CDC42SE2: variants seen among roughly 807,000 people sequenced by gnomAD.
CDC42SE2 encodes CDC42 small effector 2.
Under a neutral mutation model 11.5 loss-of-function variants are expected in CDC42SE2, and 3 were observed. The observed-to-expected ratio is 0.26, with a 90% CI of 0.12 to 0.67. The LOEUF (loss-of-function observed/expected upper bound fraction) is 0.67, where lower values mean the gene tolerates loss of function less well. Ranked by LOEUF, CDC42SE2 falls within the 30% of genes least tolerant of loss-of-function variation. The probability of loss-of-function intolerance (pLI) is 0.80; values close to 1 mark genes in which losing one functional copy is unlikely to be tolerated. For missense variants in CDC42SE2, 82 were observed against 106.8 expected (o/e 0.77, Z 1.02); for synonymous variants, 33 against 34.8 (o/e 0.95, Z 0.18).
intron 4 of CDC42SE2, among the ~76,000 whole-genome samples, chr5:131,386,771 T>C (rs547685705): frequency 7.2e-5 from 11 of 152,340 alleles, no homozygotes; most frequent in African/African-American, 2.6e-4. Flanking sequence ...TAAACAAGTA[T>C]AAATGATCCC....
the CDC42SE2 span, among the ~76,000 whole-genome samples, chr5:131,229,074 T>A: frequency 1.3e-5 from 2 of 152,200 alleles, no homozygotes; most frequent in African/African-American, 4.8e-5. Flanking sequence ...AATGCTACTG[T>A]GTGGAGCAAA....
intron 3 of CDC42SE2, among the ~76,000 whole-genome samples, chr5:131,371,091 A>G (rs1278160973): frequency 6.6e-6 from 1 of 152,244 alleles, no homozygotes; most frequent in Non-Finnish European, 1.5e-5. Context: ...TTAAGTAATT[A>G]TCTGGGATTT....
chr5:131,235,383 G>C, the CDC42SE2 span, among the ~76,000 whole-genome samples: 1 of 147,744 alleles, frequency 6.8e-6, no homozygotes, highest in Non-Finnish European at 1.5e-5. Context: ...TCTGCCTCCT[G>C]GGTTCAAGTG....
chr5:131,377,342 G>A (rs1285262997), intron 3 of CDC42SE2, among the ~76,000 whole-genome samples: 1 of 151,532 alleles, frequency 6.6e-6, no homozygotes, highest in South Asian at 2.1e-4. Flanking sequence ...CTAATTTTTT[G>A]TATTTTTGTA....
chr5:131,212,082 CAT>C, the CDC42SE2 span, among the ~76,000 whole-genome samples: 46 of 152,034 alleles, frequency 3.0e-4, no homozygotes, highest in African/African-American at 1.0e-3. Flanking sequence ...TAAATCACCA[CAT>C]GTGTGGCAGG....
At chr5:131,377,502 C>A (rs1750192419) in intron 3 of CDC42SE2, among the ~76,000 whole-genome samples, 1 of 152,120 alleles carries the variant, frequency 6.6e-6, no homozygotes, top group Non-Finnish European at 1.5e-5. Flanking sequence ...AGCTGTTAAT[C>A]TTTAGAGCCA....
At chr5:131,323,851 A>G (rs1327600870) in intron 2 of CDC42SE2, among the ~76,000 whole-genome samples, 1 of 152,180 alleles carries the variant, frequency 6.6e-6, no homozygotes, top group Non-Finnish European at 1.5e-5. Flanking sequence ...TTTTCTCACA[A>G]GATGAATTTA....
At chr5:131,229,558 T>G in the CDC42SE2 span, among the ~76,000 whole-genome samples, 1 of 152,270 alleles carries the variant, frequency 6.6e-6, no homozygotes, top group South Asian at 2.1e-4. Flanking sequence ...CCTGGCTAAT[T>G]TACTCAGTAA....
At chr5:131,254,499 G>A (rs1408206801) in intron 1 of CDC42SE2, among the ~76,000 whole-genome samples, 2 of 150,806 alleles carry the variant, frequency 1.3e-5, no homozygotes, top group Non-Finnish European at 2.9e-5. Flanking sequence ...CTGAGATGGC[G>A]CCACTGCACT....
At chr5:131,240,963 T>C (rs1177617012), upstream of CDC42SE2, among the ~76,000 whole-genome samples, 1 of 151,748 alleles carries the variant, frequency 6.6e-6, no homozygotes, top group Non-Finnish European at 1.5e-5. Context: ...TGTTTTTGTT[T>C]TTGTTTTTGT....
At position 131,317,689 on chromosome 5, in the gene CDC42SE2, A is replaced by G. The variant is rs1335768991; in HGVS notation, c.-286+1545A>G. Among the ~76,000 whole-genome samples, 7 of 150,006 alleles carry G rather than the reference A, an allele frequency of 4.7e-5. No homozygotes were observed. The East Asian group carries it at 1.2e-3, about 25-fold the overall frequency. ...TCTATCTTTTCTTTTAAATCTTGTT[A>G]TTATAATCTTGAAAAAGTATGGAAT... On this transcript the variant is annotated intron_variant, in intron 2 of 4. Coordinates refer to ENST00000505065, the MANE Select transcript of CDC42SE2 (RefSeq NM_001375635.1).
chr5:131,375,154 T>G (rs1396866955), intron 3 of CDC42SE2, among the ~76,000 whole-genome samples: 1 of 152,032 alleles, frequency 6.6e-6, no homozygotes, highest in Non-Finnish European at 1.5e-5. Flanking sequence ...GGTTTCTCAC[T>G]GAGAGATGAG....
At chr5:131,303,618 G>C (rs536773137) in intron 1 of CDC42SE2, among the ~76,000 whole-genome samples, 4 of 152,202 alleles carry the variant, frequency 2.6e-5, no homozygotes, top group Admixed American at 6.5e-5. Context: ...TCTATCAGTA[G>C]GACTTTTGAA....
intron 3 of CDC42SE2, among the ~76,000 whole-genome samples, chr5:131,381,514 G>C (rs868725385): frequency 1.3e-5 from 2 of 152,040 alleles, no homozygotes; most frequent in Non-Finnish European, 2.9e-5. Context: ...GTAGAGACGG[G>C]GTTTCACTGT....
At chr5:131,387,403 TAGCTG>T (rs1484957193) in intron 4 of CDC42SE2, among the ~76,000 whole-genome samples, 1 of 151,964 alleles carries the variant, frequency 6.6e-6, no homozygotes, top group African/African-American at 2.4e-5. Flanking sequence ...ACAAAAAAAT[TAGCTG>T]AGTGAAGTAA....
chr5:131,268,456 CTT>C (rs71000984), intron 1 of CDC42SE2, among the ~76,000 whole-genome samples: 1 of 146,076 alleles, frequency 6.8e-6, no homozygotes. Flanking sequence ...TTTAACTTTT[CTT>C]TTTTTTTTTC....
chr5:131,363,163 A>G lies in CDC42SE2; in HGVS notation c.54+3616A>G, dbSNP rs1373974877. On this transcript the variant is annotated intron_variant, in intron 3 of 4. Coordinates refer to ENST00000505065, the MANE Select transcript of CDC42SE2 (RefSeq NM_001375635.1). ...ATCTAAAAAAAAAAAAAGATTTATT[A>G]GCTGTTGACAGAACTATAGTGAATT... Among the ~76,000 whole-genome samples the G allele has an allele frequency of 2.6e-5, 4 of 151,626 alleles. No individual in the cohort carries two copies. The East Asian group carries it at 7.8e-4, about 29-fold the overall frequency.
intron 2 of CDC42SE2, among the ~76,000 whole-genome samples, chr5:131,319,291 G>A (rs976838726): frequency 6.6e-6 from 1 of 152,046 alleles, no homozygotes; most frequent in African/African-American, 2.4e-5. Flanking sequence ...TTGAGTTCTT[G>A]TATGGAATGG....
intron 2 of CDC42SE2, among the ~76,000 whole-genome samples, chr5:131,344,077 C>T (rs560685023): frequency 1.3e-5 from 2 of 152,182 alleles, no homozygotes; most frequent in Non-Finnish European, 1.5e-5. Context: ...GGAACAGCTC[C>T]AGTCTGCAGC....
Sources: gnomAD v4.1 joint callset for allele counts (sites outside exome capture counted in the v4.1 genomes callset) on GRCh38, gnomAD v4.1.1 for gene constraint, MANE v1.5 for transcripts, NCBI Gene and HGNC (gene_info 2026-07-23, HGNC 2026-07-21) for gene names.